The following COMMD1 variants were observed in gnomAD, a reference collection of about 807,000 sequenced individuals.
COMMD1 encodes the protein copper metabolism domain containing 1.
In COMMD1, 10 loss-of-function variants were observed where a neutral mutation model predicts 17.2. The ratio of observed to expected loss-of-function variants is 0.58; its 90% CI spans 0.36 to 0.99. The LOEUF (loss-of-function observed/expected upper bound fraction) is 0.99, where lower values mean the gene tolerates loss of function less well. Among genes scored for constraint, COMMD1 ranks in the 50% least tolerant of loss-of-function variants. The probability of loss-of-function intolerance (pLI) is 0.01; values close to 1 mark genes in which losing one functional copy is unlikely to be tolerated. For synonymous variants in COMMD1, 97 were observed against 91.6 expected (o/e 1.06, Z -0.34); for missense variants, 270 against 231.8 (o/e 1.17, Z -1.07).
chr2:62,020,657 G>A (rs749050288), intron 2 of COMMD1, among the ~76,000 whole-genome samples: 11 of 152,078 alleles, frequency 7.2e-5, no homozygotes, highest in Non-Finnish European at 1.3e-4. Flanking sequence ...AGCCATTCTC[G>A]TTCTTGAAAT....
rs946997825 is a variant in COMMD1, at chr2:62,020,976, C to A, written c.462+19994C>A. On this transcript the variant is annotated intron_variant, in intron 2 of 2. Coordinates refer to ENST00000311832, the MANE Select transcript of COMMD1 (RefSeq NM_152516.4). ...CGAGATTGCGCCATTGCACTCCAGCCTGTGCAACAAGAGCAAAAGTCCGTC... is the reference window on the plus strand; with the variant it reads ...CGAGATTGCGCCATTGCACTCCAGCATGTGCAACAAGAGCAAAAGTCCGTC... Among the ~76,000 whole-genome samples the A allele has an allele frequency of 2.0e-5, 3 of 151,184 alleles. No homozygotes were observed. The South Asian group carries it at 6.3e-4, about 32-fold the overall frequency.
At chr2:62,084,094 T>G (rs1299694921) in intron 2 of COMMD1, among the ~76,000 whole-genome samples, 1 of 152,188 alleles carries the variant, frequency 6.6e-6, no homozygotes, top group Non-Finnish European at 1.5e-5. Flanking sequence ...TAGGGTCAGC[T>G]CTAAACACAA....
chr2:61,967,372 T>C (rs1215979604), intron 1 of COMMD1, among the ~76,000 whole-genome samples: 1 of 152,236 alleles, frequency 6.6e-6, no homozygotes, highest in Non-Finnish European at 1.5e-5. Flanking sequence ...AATATTTACT[T>C]TCAGTTTGTA....
At position 61,906,211 on chromosome 2, in the gene COMMD1, C is replaced by T. The variant is rs180977732; in HGVS notation, c.180+353C>T. Among the ~76,000 whole-genome samples, 10 of 152,268 alleles carry T rather than the reference C, an allele frequency of 6.6e-5. No individual in the cohort carries two copies. The East Asian group carries it at 1.4e-3, about 21-fold the overall frequency. On this transcript the variant is annotated intron_variant, in intron 1 of 2. Coordinates refer to ENST00000311832, the MANE Select transcript of COMMD1 (RefSeq NM_152516.4). ...AGAGTTTTAGGTCGCTAGCTTTCCCCGGTTGTGGAAGTTGGGAGCGTTAAA... is the reference window on the plus strand; with the variant it reads ...AGAGTTTTAGGTCGCTAGCTTTCCCTGGTTGTGGAAGTTGGGAGCGTTAAA...
chr2:61,947,742 G>A (rs1434320365), intron 1 of COMMD1, among the ~76,000 whole-genome samples: 1 of 145,262 alleles, frequency 6.9e-6, no homozygotes, highest in African/African-American at 2.6e-5. Context: ...TTGGAGAAGT[G>A]GGGTACTGTA....
intron 2 of COMMD1, among the ~76,000 whole-genome samples, chr2:62,051,002 G>A (rs537101501): frequency 6.6e-6 from 1 of 152,168 alleles, no homozygotes; most frequent in South Asian, 2.1e-4. Context: ...AAATCTGTAG[G>A]TGAAATTGTT....
chr2:62,083,221 C>G (rs1036610706), intron 2 of COMMD1, among the ~76,000 whole-genome samples: 1 of 152,042 alleles, frequency 6.6e-6, no homozygotes, highest in Non-Finnish European at 1.5e-5. Flanking sequence ...CATGATTGTG[C>G]CACTGTGCTG....
chr2:61,901,448 C>A (rs952570922), upstream of COMMD1, among the ~76,000 whole-genome samples: 2 of 151,642 alleles, frequency 1.3e-5, no homozygotes, highest in African/African-American at 4.8e-5. Flanking sequence ...GATGGTGAAA[C>A]CTTATCTCCA....
intron 1 of COMMD1, among the ~76,000 whole-genome samples, chr2:61,925,698 A>G (rs1362823311): frequency 6.6e-6 from 1 of 152,124 alleles, no homozygotes; most frequent in East Asian, 1.9e-4. Flanking sequence ...TTTGTCCTTA[A>G]CAGTAGGACT....
intron 2 of COMMD1, among the ~76,000 whole-genome samples, chr2:62,018,643 A>G (rs1179338612): frequency 6.6e-6 from 1 of 152,200 alleles, no homozygotes; most frequent in African/African-American, 2.4e-5. Flanking sequence ...GTTTTGATAT[A>G]TATGTACATT....
chr2:61,996,548 G>C (rs1668760973), intron 1 of COMMD1, among the ~76,000 whole-genome samples: 1 of 152,126 alleles, frequency 6.6e-6, no homozygotes, highest in Non-Finnish European at 1.5e-5. Flanking sequence ...TTTACCCACA[G>C]TAGAACCTCT....
chr2:62,039,008 C>T (rs959311498), intron 2 of COMMD1, among the ~76,000 whole-genome samples: 2 of 152,092 alleles, frequency 1.3e-5, no homozygotes, highest in Middle Eastern at 3.2e-3. Flanking sequence ...TTTCTAAGAA[C>T]GTAAGTAGAT....
chr2:61,904,369 C>G (rs1669723082), upstream of COMMD1, among the ~76,000 whole-genome samples: 1 of 152,186 alleles, frequency 6.6e-6, no homozygotes, highest in Admixed American at 6.6e-5. Context: ...TTTGCAATGA[C>G]TGTAGAGTGA....
At chr2:61,958,968 G>T (rs576046410) in intron 1 of COMMD1, among the ~76,000 whole-genome samples, 6 of 152,174 alleles carry the variant, frequency 3.9e-5, no homozygotes, top group Non-Finnish European at 8.8e-5. Flanking sequence ...ATTAAAGGCC[G>T]CGAACACTGA....
intron 1 of COMMD1, among the ~76,000 whole-genome samples, chr2:61,914,167 A>G (rs1186323549): frequency 4.6e-5 from 7 of 151,852 alleles, no homozygotes; most frequent in African/African-American, 1.5e-4. Context: ...GGGAGACTCC[A>G]TCTCAAATAA....
At chr2:61,933,552 T>A (rs1318419280) in intron 1 of COMMD1, among the ~76,000 whole-genome samples, 1 of 151,820 alleles carries the variant, frequency 6.6e-6, no homozygotes, top group Non-Finnish European at 1.5e-5. Flanking sequence ...GGTGGCTTTA[T>A]AAGAAGAGAA....
intron 1 of COMMD1, among the ~76,000 whole-genome samples, chr2:61,966,242 G>A (rs942113900): frequency 2.0e-5 from 3 of 152,014 alleles, no homozygotes; most frequent in South Asian, 2.1e-4. Flanking sequence ...CCCCTCATAG[G>A]CCATTACAGC....
intron 2 of COMMD1, among the ~76,000 whole-genome samples, chr2:62,106,291 A>C (rs888006422): frequency 2.0e-5 from 3 of 152,190 alleles, no homozygotes; most frequent in African/African-American, 4.8e-5. Context: ...ATTTAATCTT[A>C]TATGTGTTTG....
intron 2 of COMMD1, among the ~76,000 whole-genome samples, chr2:62,089,245 T>C (rs1671755998): frequency 2.0e-5 from 3 of 152,126 alleles, no homozygotes; most frequent in Non-Finnish European, 4.4e-5. Flanking sequence ...CAAGGATGAC[T>C]TTGCAGGGCC....
Sources: gnomAD v4.1 joint callset for allele counts (sites outside exome capture counted in the v4.1 genomes callset) on GRCh38, gnomAD v4.1.1 for gene constraint, MANE v1.5 for transcripts, NCBI Gene and HGNC (gene_info 2026-07-23, HGNC 2026-07-21) for gene names.